The following CCDC116 variants were observed in gnomAD, a reference collection of about 807,000 sequenced individuals.
CCDC116 encodes coiled-coil domain containing 116, also known as coiled-coil domain-containing protein 116.
CCDC116 carries 24 observed loss-of-function variants against 29.4 expected under a neutral mutation model. The observed-to-expected ratio is 0.82, with a 90% CI of 0.59 to 1.15. The LOEUF (loss-of-function observed/expected upper bound fraction) is 1.15. Ranked by LOEUF, CCDC116 falls within the 50% of genes most tolerant of loss-of-function variation. The probability of loss-of-function intolerance (pLI) is 0.00; values close to 1 mark genes in which losing one functional copy is unlikely to be tolerated. For synonymous variants in CCDC116, 298 were observed against 331.4 expected (o/e 0.90, Z 1.10); for missense variants, 791 against 804.0 (o/e 0.98, Z 0.20).
chr22:21,637,258 C>A lies in CCDC116; in HGVS notation c.*188C>A. ...ATGCCCACGAGGAGCTCTGCTGAGA[C>A]TCTCAAGGGAGCCAGTGAAAGAAAT... is the stretch of plus-strand genomic sequence containing the variant. On this transcript the variant is annotated 3_prime_UTR_variant, in exon 5 of 5. Coordinates refer to ENST00000292779, the MANE Select transcript of CCDC116 (RefSeq NM_152612.3). 1 of 714,100 alleles carries A rather than the reference C, an allele frequency of 1.4e-6. No individual in the cohort carries two copies. Among genetic ancestry groups the A allele is most frequent in the Non-Finnish European group, 2.1e-6 (1 of 475,438 alleles). 44.2% of individuals were successfully genotyped at this position (714,100 alleles called of 1,614,324 possible). A position where few individuals can be genotyped will look rare whatever the true frequency, so the allele number is the denominator to read the frequency against.
chr22:21,634,039 G>A lies in CCDC116; in HGVS notation c.90G>A (p.Lys30=), dbSNP rs1485927855. 2 of 1,608,924 alleles carry A rather than the reference G, an allele frequency of 1.2e-6. No homozygotes were observed. Among genetic ancestry groups the A allele is most frequent in the Non-Finnish European group, 1.7e-6 (2 of 1,177,170 alleles). ...MCSARVQLPK[K]PLVPEMRPAC... ...CTGCTCAGGTGCAGCTGCCCAAGAAGCCACTGGTCCCAGAAATGCGGCCAG... is the reference window on the plus strand; with the variant it reads ...CTGCTCAGGTGCAGCTGCCCAAGAAACCACTGGTCCCAGAAATGCGGCCAG... The change falls in exon 3 of 5, where the codon AAG becomes AAA. Residue 30 remains lysine (K), a synonymous_variant. Transcript: ENST00000292779.
At chr22:21,635,449 C>A (rs1452621509) in intron 4 of CCDC116, 183 bp downstream of exon 4, 4 of 712,782 alleles carry the variant, frequency 5.6e-6, no homozygotes, top group Non-Finnish European at 7.6e-6. Context: ...AGGTGGCCTG[C>A]AGCCAGGGCC....
At position 21,634,788 on chromosome 22, in the gene CCDC116, T is replaced by G; in HGVS notation, c.725T>G (p.Phe242Cys). Residue 242 changes from phenylalanine (F) to cysteine (C), a missense_variant, in exon 4 of 5, where the codon TTC becomes TGC. Phe to Cys is a radical substitution (Grantham distance 205, BLOSUM62 -2). Coordinates refer to ENST00000292779, the MANE Select transcript of CCDC116 (RefSeq NM_152612.3). ...QWTQEQPLSW[F>C]SGLLGSSSGV... ...ACACAGGAGCAGCCCTTGTCCTGGT[T>G]CTCAGGGCTGCTGGGCTCAAGCTCT... 1.2e-6 allele frequency: 2 copies of G among 1,613,988 alleles called. No homozygotes were observed. The highest frequency in any genetic ancestry group is 1.7e-6 in the Non-Finnish European group (2 of 1,180,006).
Position 21,634,959 on chromosome 22 carries a change from G to C in CCDC116, c.896G>C (p.Arg299Pro). 1 of 1,613,092 alleles carries C rather than the reference G, an allele frequency of 6.2e-7. No individual in the cohort carries two copies. Among genetic ancestry groups the C allele is most frequent in the Non-Finnish European group, 8.5e-7 (1 of 1,180,020 alleles). The change falls in exon 4 of 5, where the codon CGC (arginine) becomes CCC (proline). Residue 299 changes from arginine (R) to proline (P), a missense_variant. By Grantham distance (103) the Arg-to-Pro change is moderately radical (BLOSUM62 -2). Coordinates refer to ENST00000292779, the MANE Select transcript of CCDC116 (RefSeq NM_152612.3). ...TACTGTCCGCTCCGTGAGCCCCATC[G>C]CACGCTGAACTTCCTGGCTGACCAC... Reference protein sequence around the residue: ...PGYCPLREPHRTLNFLADHRL... With the variant: ...PGYCPLREPHPTLNFLADHRL...
At position 21,635,162 on chromosome 22, in the gene CCDC116, C is replaced by T. The variant is rs200945059; in HGVS notation, c.1099C>T (p.Arg367Cys). ...TNGGQPYASP[R>C]PTVSSPKMLQ... is the part of the protein sequence containing the mutation. ...TGGCGGGCAGCCCTATGCTTCCCCC[C>T]GCCCCACAGTCTCCAGCCCCAAGAT... The change falls in exon 4 of 5, where the codon CGC becomes TGC. Residue 367 changes from arginine to cysteine, a missense_variant. Arg to Cys is a radical substitution (Grantham distance 180, BLOSUM62 -3). Coordinates refer to ENST00000292779, the MANE Select transcript of CCDC116 (RefSeq NM_152612.3). 2.4e-5 allele frequency: 38 copies of T among 1,601,730 alleles called. No individual in the cohort carries two copies. The highest frequency in any genetic ancestry group is 2.1e-4 in the African/African-American group (16 of 75,058).
At chr22:21,636,004 C>T (rs1344050858) in intron 4 of CCDC116, among the ~76,000 whole-genome samples, 1 of 152,200 alleles carries the variant, frequency 6.6e-6, no homozygotes, top group East Asian at 1.9e-4. Flanking sequence ...GTGTACAAGA[C>T]GTAGGTGGCC....
Position 21,637,111 on chromosome 22 carries a change from C to T in CCDC116, c.*41C>T. On this transcript the variant is annotated 3_prime_UTR_variant, in exon 5 of 5. Coordinates refer to ENST00000292779, the MANE Select transcript of CCDC116 (RefSeq NM_152612.3). Reference sequence around the variant, plus strand: ...GGAGAGGAGGCCTCGGTCAGCCACTCCGTGGACGTGGGCCACGGTGACCCA... The same window carrying T: ...GGAGAGGAGGCCTCGGTCAGCCACTTCGTGGACGTGGGCCACGGTGACCCA... 1 of 1,537,826 alleles carries T rather than the reference C, an allele frequency of 6.5e-7. No homozygotes were observed. The highest frequency in any genetic ancestry group is 8.8e-7 in the Non-Finnish European group (1 of 1,141,158).
At position 21,634,169 on chromosome 22, in the gene CCDC116, C is replaced by G; in HGVS notation, c.220C>G (p.Leu74Val). 6.2e-7 allele frequency: 1 copy of G among 1,614,260 alleles called. No individual in the cohort carries two copies. Among genetic ancestry groups the G allele is most frequent in the Non-Finnish European group, 8.5e-7 (1 of 1,180,038 alleles). The change falls in exon 3 of 5, where the codon CTG (leucine) becomes GTG (valine). Residue 74 changes from leucine (L) to valine (V), a missense_variant. Physicochemically the swap from Leu to Val is conservative, Grantham distance 32 (BLOSUM62 1). Transcript: ENST00000292779. ...KRHPQPFGHF[L>V]DFLTESQVLD... ...GCACCCTCAGCCCTTTGGCCACTTT[C>G]TGGATTTCCTAACTGAGAGCCAGGT...
At position 21,636,518 on chromosome 22, in the gene CCDC116, C is replaced by T. The variant is rs1930808149; in HGVS notation, c.1290C>T (p.Arg430=). 1.2e-6 allele frequency: 2 copies of T among 1,614,078 alleles called. No individual in the cohort carries two copies. The highest frequency in any genetic ancestry group is 2.7e-5 in the African/African-American group (2 of 75,030). Residue 430 remains arginine, a synonymous_variant, in exon 5 of 5, where the codon CGC becomes CGT. Coordinates refer to ENST00000292779, the MANE Select transcript of CCDC116 (RefSeq NM_152612.3). ...CCAGCATGTCTCACTTCTCCAACCG[C>T]CTTTATGAGGAGCTCGCCGACTTCC... ...SKSSMSHFSN[R]LYEELADFLT...
chr22:21,637,004 A>C lies in CCDC116; in HGVS notation c.1776A>C (p.Glu592Asp), dbSNP rs753880873. 6.2e-7 allele frequency: 1 copy of C among 1,613,536 alleles called. No homozygotes were observed. The highest frequency in any genetic ancestry group is 1.1e-5 in the South Asian group (1 of 91,080). Residue 592 changes from glutamate (E) to aspartate (D), a missense_variant, in exon 5 of 5, where the codon GAA (glutamate) becomes GAC (aspartate). Physicochemically the swap from Glu to Asp is conservative, Grantham distance 45. Coordinates refer to ENST00000292779, the MANE Select transcript of CCDC116 (RefSeq NM_152612.3). ...AGGGCCGTGATAAAGCCGAGATTGA[A>C]GATGAAGATGAGGATGAGTTCAAGG... The part of the protein sequence containing the change: ...DNEGRDKAEI[E>D]DEDEDEFKDE...
intron 2 of CCDC116, 54 bp from the exon 3 acceptor site, chr22:21,633,968 G>A (rs1361270020): frequency 3.3e-6 from 5 of 1,511,402 alleles, no homozygotes; most frequent in Non-Finnish European, 4.5e-6. Context: ...TTACCCCAGG[G>A]AACCCTTCAC....
Position 21,634,121 on chromosome 22 carries a change from C to T in CCDC116, c.172C>T (p.Gln58Ter). The stretch of plus-strand genomic sequence containing the variant: ...ATCCACATGTGGCAGCTCAGCACTC[C>T]AGGGCCAACGCCGAAACAAGAGGCA... ...PPSTCGSSAL[Q>*]GQRRNKRHPQ... The change falls in exon 3 of 5, where the codon CAG becomes TAG. Residue 58 changes from glutamine (Q) to a stop codon, truncating the protein, a stop_gained. Transcript: ENST00000292779. LOFTEE classifies it high-confidence loss of function. 6.2e-7 allele frequency: 1 copy of T among 1,614,252 alleles called. No individual in the cohort carries two copies. Among genetic ancestry groups the T allele is most frequent in the African/African-American group, 1.3e-5 (1 of 75,076 alleles).
At chr22:21,635,926 ATC>A in intron 4 of CCDC116, 1 of 405,564 alleles carries the variant, frequency 2.5e-6, no homozygotes, top group Admixed American at 4.3e-5. Flanking sequence ...GCTCCCTTGA[ATC>A]CAGCTGCCTC....
At position 21,633,403 on chromosome 22, in the gene CCDC116, T is replaced by C. The variant is rs563674953; in HGVS notation, c.72+150T>C. On this transcript the variant is annotated intron_variant, in intron 2 of 4. Coordinates refer to ENST00000292779, the MANE Select transcript of CCDC116 (RefSeq NM_152612.3). Reference sequence around the variant, plus strand: ...CCTTATTGCCTTGACTTCTCCTATGTCCCCCACTGCTTGCCCCTGTCACAC... The same window carrying C: ...CCTTATTGCCTTGACTTCTCCTATGCCCCCCACTGCTTGCCCCTGTCACAC... The C allele has an allele frequency of 5.4e-5, 34 of 627,428 alleles. No individual in the cohort carries two copies. The African/African-American group carries it at 6.1e-4, about 11-fold the overall frequency. The allele number at this position is 627,428 out of a possible 1,614,324, so 38.9% of individuals were successfully genotyped here.
In CCDC116 at chr22:21,634,728, G is replaced by A; in HGVS notation, c.665G>A (p.Trp222Ter). 4.3e-6 allele frequency: 7 copies of A among 1,612,364 alleles called. No individual in the cohort carries two copies. The highest frequency in any genetic ancestry group is 5.1e-6 in the Non-Finnish European group (6 of 1,178,700). The change falls in exon 4 of 5, where the codon TGG becomes TAG. Residue 222 changes from tryptophan (W) to a stop codon, truncating the protein, a stop_gained. Coordinates refer to ENST00000292779, the MANE Select transcript of CCDC116 (RefSeq NM_152612.3). LOFTEE classifies it high-confidence loss of function. The part of the protein sequence containing the change: ...QSCSQRDSLL[W>*]DSLGSQTSFQ... ...TGCTCCCAGAGGGACTCCCTGCTGT[G>A]GGATTCGCTGGGTAGCCAGACCAGC...
At position 21,634,305 on chromosome 22, in the gene CCDC116, G is replaced by C. The variant is rs1400781044; in HGVS notation, c.356G>C (p.Ser119Thr). The C allele has an allele frequency of 6.2e-7, 1 of 1,613,108 alleles. No homozygotes were observed. Among genetic ancestry groups the C allele is most frequent in the Non-Finnish European group, 8.5e-7 (1 of 1,179,942 alleles). Residue 119 changes from serine (S) to threonine (T), a missense_variant, in exon 3 of 5, where the codon AGT becomes ACT. Ser to Thr is a moderately conservative substitution (Grantham distance 58). Transcript: ENST00000292779. ...GTGCAGGACCCAGTGGAGGTGCCAA[G>C]TGGTGGACGGCGGGCACATGCCCGG... is the stretch of plus-strand genomic sequence containing the variant. ...VEVQDPVEVP[S>T]GGRRAHARPS...
In CCDC116 at chr22:21,633,115, C is replaced by G; in HGVS notation, c.-62-5C>G. ...ACCCTCAGGTTGTCTCCCCACCCCACGCAGAGAGGAATGCGCAGCTGAAGA... is the reference window on the plus strand; with the variant it reads ...ACCCTCAGGTTGTCTCCCCACCCCAGGCAGAGAGGAATGCGCAGCTGAAGA... On this transcript the variant is annotated splice_polypyrimidine_tract_variant and splice_region_variant and intron_variant, in intron 1 of 4. Coordinates refer to ENST00000292779, the MANE Select transcript of CCDC116 (RefSeq NM_152612.3). The G allele has an allele frequency of 7.5e-7, 1 of 1,336,914 alleles. No individual in the cohort carries two copies. Among genetic ancestry groups the G allele is most frequent in the Non-Finnish European group, 1.1e-6 (1 of 951,958 alleles). 82.8% of individuals were successfully genotyped at this position (1,336,914 alleles called of 1,614,324 possible). A position where few individuals can be genotyped will look rare whatever the true frequency, so the allele number is the denominator to read the frequency against.
At chr22:21,633,998 C>T (rs1930654241) in intron 2 of CCDC116, 24 bp from the exon 3 acceptor site, 1 of 1,579,604 alleles carries the variant, frequency 6.3e-7, no homozygotes, top group African/African-American at 1.3e-5. Context: ...ACCCCTGCCC[C>T]CTGTGACATA....
At position 21,635,281 on chromosome 22, in the gene CCDC116, G is replaced by A. The variant is rs752749656; in HGVS notation, c.1203+15G>A. On this transcript the variant is annotated intron_variant, in intron 4 of 4. Coordinates refer to ENST00000292779, the MANE Select transcript of CCDC116 (RefSeq NM_152612.3). ...TCAAACTCAAGGTGACACCCACGGA[G>A]AAGCCCAATGTCCCCAGCCCCTCAC... 12 of 1,585,954 alleles carry A rather than the reference G, an allele frequency of 7.6e-6. No individual in the cohort carries two copies. Among genetic ancestry groups the A allele is most frequent in the Non-Finnish European group, 1.0e-5 (12 of 1,169,786 alleles).
Sources: allele counts gnomAD v4.1 joint callset (sites outside exome capture counted in the v4.1 genomes callset), GRCh38; gene constraint gnomAD v4.1.1; transcripts MANE v1.5; gene names NCBI Gene and HGNC (gene_info 2026-07-23, HGNC 2026-07-21).